The following LOC400499 variants were observed in gnomAD, a reference collection of about 807,000 sequenced individuals.
At chr16:11,424,405 C>T in the LOC400499 span, 1 of 399,174 alleles carries the variant, frequency 2.5e-6, no homozygotes, top group Non-Finnish European at 4.4e-6. Context: ...CACCCCAGTC[C>T]ACCGCATTTA....
At chr16:11,391,931 G>C in the LOC400499 span, 1 of 790,402 alleles carries the variant, frequency 1.3e-6, no homozygotes, top group Middle Eastern at 4.1e-4. Context: ...CCTCCTGCCT[G>C]GTGAGTGGGG....
the LOC400499 span, among the ~76,000 whole-genome samples, chr16:11,389,784 A>T: frequency 5.3e-5 from 8 of 151,750 alleles, no homozygotes; most frequent in African/African-American, 1.9e-4. Flanking sequence ...GGCCCTCTGC[A>T]GCGAGCTGTA....
the LOC400499 span, among the ~76,000 whole-genome samples, chr16:11,517,333 T>C: frequency 6.6e-6 from 1 of 152,194 alleles, no homozygotes; most frequent in Non-Finnish European, 1.5e-5. Flanking sequence ...CATTCCACGA[T>C]GCCCCTGTGC....
At chr16:11,410,279 C>T in the LOC400499 span, among the ~76,000 whole-genome samples, 2 of 152,268 alleles carry the variant, frequency 1.3e-5, no homozygotes, top group African/African-American at 4.8e-5. Context: ...CACGGTGAAA[C>T]CCTGTCTCTA....
chr16:11,473,362 A>C, the LOC400499 span, among the ~76,000 whole-genome samples: 5 of 151,948 alleles, frequency 3.3e-5, no homozygotes, highest in Non-Finnish European at 7.4e-5. Flanking sequence ...AAAAGAAAAA[A>C]AAATTTCAAG....
the LOC400499 span, among the ~76,000 whole-genome samples, chr16:11,386,300 C>T: frequency 1.3e-5 from 2 of 152,242 alleles, no homozygotes; most frequent in Admixed American, 6.5e-5. Flanking sequence ...CTATGGTGCA[C>T]AGCCAGGCAC....
At chr16:11,420,618 C>T in the LOC400499 span, among the ~76,000 whole-genome samples, 3 of 130,568 alleles carry the variant, frequency 2.3e-5, no homozygotes, top group Non-Finnish European at 4.9e-5. Context: ...CGGAAAAAAA[C>T]CCCAAACTTT....
the LOC400499 span, among the ~76,000 whole-genome samples, chr16:11,505,854 G>A: frequency 2.0e-5 from 3 of 152,044 alleles, no homozygotes; most frequent in South Asian, 2.1e-4. Flanking sequence ...ATCCATCACC[G>A]TAACCACCTT....
chr16:11,472,049 A>C, the LOC400499 span: 2 of 382,202 alleles, frequency 5.2e-6, no homozygotes, highest in South Asian at 3.0e-4. Flanking sequence ...TGTCCTGTGC[A>C]TTATGGGATG....
chr16:11,491,114 A>G, the LOC400499 span, among the ~76,000 whole-genome samples: 1 of 151,848 alleles, frequency 6.6e-6, no homozygotes, highest in Middle Eastern at 3.2e-3. Context: ...ACAGAAATGG[A>G]GGCTCACAAA....
the LOC400499 span, among the ~76,000 whole-genome samples, chr16:11,505,676 G>A: frequency 6.6e-6 from 1 of 151,628 alleles, no homozygotes; most frequent in Non-Finnish European, 1.5e-5. Flanking sequence ...TCAAACCCCT[G>A]GGGTTTAAGT....
the LOC400499 span, chr16:11,425,011 G>A: frequency 5.0e-6 from 2 of 397,718 alleles, no homozygotes; most frequent in Non-Finnish European, 8.9e-6. Context: ...GCAGGGGAAA[G>A]AAATGAAGCT....
At chr16:11,374,858 CTTTGT>C in the LOC400499 span, among the ~76,000 whole-genome samples, 1,021 of 152,200 alleles carry the variant, frequency 6.7e-3, 9 homozygotes, top group African/African-American at 0.023. Context: ...TATGGTAACT[CTTTGT>C]TTTGAGACAG....
At chr16:11,384,045 G>A in the LOC400499 span, 7 of 1,231,652 alleles carry the variant, frequency 5.7e-6, no homozygotes, top group Non-Finnish European at 7.1e-6. Flanking sequence ...CCTCCTGCTG[G>A]ACCATGTGGC....
At chr16:11,442,278 T>C in the LOC400499 span, 2 of 152,350 alleles carry the variant, frequency 1.3e-5, no homozygotes, top group Non-Finnish European at 2.9e-5. Flanking sequence ...TGGAGTGCAG[T>C]GGCGTGATCT....
At chr16:11,404,412 T>C in the LOC400499 span, among the ~76,000 whole-genome samples, 4 of 152,134 alleles carry the variant, frequency 2.6e-5, no homozygotes, top group African/African-American at 9.7e-5. Context: ...ACTGGCTCAA[T>C]CTCGGCTCTC....
chr16:11,473,669 T>C, the LOC400499 span, among the ~76,000 whole-genome samples: 1 of 151,574 alleles, frequency 6.6e-6, no homozygotes, highest in Non-Finnish European at 1.5e-5. Context: ...GCAGAAGAAT[T>C]GCTTGAACCC....
the LOC400499 span, among the ~76,000 whole-genome samples, chr16:11,416,433 C>T: frequency 6.6e-6 from 1 of 152,160 alleles, no homozygotes; most frequent in Non-Finnish European, 1.5e-5. Context: ...CTCAACCTCT[C>T]TGAGCCTCCA....
the LOC400499 span, among the ~76,000 whole-genome samples, chr16:11,380,378 G>T: frequency 6.6e-6 from 1 of 151,894 alleles, no homozygotes; most frequent in Non-Finnish European, 1.5e-5. Flanking sequence ...TCAGGAGTTC[G>T]AGACCAGCCT....
Sources: gnomAD v4.1 joint callset for allele counts (sites outside exome capture counted in the v4.1 genomes callset) on GRCh38, gnomAD v4.1.1 for gene constraint, MANE v1.5 for transcripts.